FBXO25: variants seen among roughly 807,000 people sequenced by gnomAD.
The protein encoded by FBXO25 is F-box protein 25.
A neutral mutation model predicts 51.9 loss-of-function variants in FBXO25; 45 were observed. That is an observed-to-expected ratio of 0.87 (90% confidence interval 0.68 to 1.11). The LOEUF is 1.11. FBXO25 is among the 50% of genes most tolerant of loss of function. FBXO25 has a pLI of 0.00. For synonymous variants in FBXO25, 199 were observed against 151.0 expected, an observed-to-expected ratio of 1.32 and a Z score of -2.33; for missense variants, 507 against 428.5, an observed-to-expected ratio of 1.18 and a Z score of -1.62.
intron 7 of FBXO25, among the ~76,000 whole-genome samples, chr8:454,751 C>T (rs774786516): frequency 3.3e-5 from 5 of 151,774 alleles, no homozygotes; most frequent in South Asian, 4.2e-4. Context: ...ATTAGCCGGG[C>T]GTGGTGGGAC....
In FBXO25 at chr8:416,838, T is replaced by G. The variant is rs147858967; in HGVS notation, c.134+3625T>G. ...AACCCATTTCTGATGGAGCTTGCAT[T>G]CTGGTGAAACAGATAGGCAGTGGAC... is the stretch of plus-strand genomic sequence containing the variant. On this transcript the variant is annotated intron_variant, in intron 2 of 9. Coordinates refer to ENST00000350302, the MANE Select transcript of FBXO25 (RefSeq NM_183420.2). Among the ~76,000 whole-genome samples the G allele has an allele frequency of 8.5e-5, 13 of 152,334 alleles. 1 individual carries two copies. The highest frequency in any genetic ancestry group is 1.9e-4 in the African/African-American group (8 of 41,574).
chr8:428,502 T>C (rs1428988699), intron 2 of FBXO25, among the ~76,000 whole-genome samples: 2 of 149,436 alleles, frequency 1.3e-5, no homozygotes, highest in Non-Finnish European at 3.0e-5. Context: ...TCCTCTCCTC[T>C]CTTGCACACT....
rs568349898 is a variant in FBXO25 at position 434,183 on chromosome 8, C to CA, written c.288+1249dup. On this transcript the variant is annotated intron_variant, in intron 4 of 9. Transcript: ENST00000350302. Reference sequence around the variant, plus strand: ...GCACCACGTCATGTCTCCATACCCTCACCTGGTACAGAGCAAGTGCCTGCT... The same window carrying CA: ...GCACCACGTCATGTCTCCATACCCTCAACCTGGTACAGAGCAAGTGCCTGCT... Among the ~76,000 whole-genome samples the CA allele has an allele frequency of 3.3e-5, 5 of 152,300 alleles. No individual in the cohort carries two copies. The East Asian group carries it at 9.7e-4, about 30-fold the overall frequency.
rs189161245 is a variant in FBXO25 at position 474,382 on chromosome 8, A to G, written c.*5578A>G. The G allele has an allele frequency of 2.6e-3, 685 of 267,290 alleles. 2 individuals are homozygous for G. The highest frequency in any genetic ancestry group is 0.015 in the African/African-American group (648 of 43,306). The allele number at this position is 267,290 out of a possible 1,614,324, so 16.6% of individuals were successfully genotyped here. A position where few individuals can be genotyped will look rare whatever the true frequency, so the allele number is the denominator to read the frequency against. On this transcript the variant is annotated 3_prime_UTR_variant, in exon 10 of 10. Transcript: ENST00000350302. ...TGCTTCCACCTTTTAGCTATTGTGA[A>G]TATTGCTGCCGTAAACATGGGTGTG... is the stretch of plus-strand genomic sequence containing the variant.
rs994623947 is a variant in FBXO25, at chr8:476,014, T to G, written c.*7210T>G. ...ATTGAATATGATGTTTACAGTGGGA[T>G]GTTCATATGGCCTCTATTTTAGGTT... is the stretch of plus-strand genomic sequence containing the variant. On this transcript the variant is annotated 3_prime_UTR_variant, in exon 10 of 10. Transcript: ENST00000350302. 6.6e-5 allele frequency: 10 copies of G among 152,182 alleles called. No individual in the cohort carries two copies. The allele number at this position is 152,182 out of a possible 1,614,324, so 9.4% of individuals were successfully genotyped here. A position where few individuals can be genotyped will look rare whatever the true frequency, so the allele number is the denominator to read the frequency against.
At chr8:456,367 G>A (rs1799431299) in intron 7 of FBXO25, among the ~76,000 whole-genome samples, 1 of 152,140 alleles carries the variant, frequency 6.6e-6, no homozygotes, top group African/African-American at 2.4e-5. Context: ...GAGCCACCCG[G>A]CCTGGCCATA....
intron 5 of FBXO25, among the ~76,000 whole-genome samples, chr8:447,567 A>G (rs986047033): frequency 3.3e-5 from 5 of 152,324 alleles, no homozygotes; most frequent in African/African-American, 1.2e-4. Flanking sequence ...GAGGTTGAGT[A>G]TCCCTTAATC....
Position 418,561 on chromosome 8 carries a change from A to C in FBXO25, c.134+5348A>C, listed in dbSNP as rs559330993. On this transcript the variant is annotated intron_variant, in intron 2 of 9. Transcript: ENST00000350302. Reference sequence around the variant, plus strand: ...CACCATATTGACCAGAATGGTCTTGATCTCTTGACCTCAGGTGATGCACCC... The same window carrying C: ...CACCATATTGACCAGAATGGTCTTGCTCTCTTGACCTCAGGTGATGCACCC... 3.3e-5 allele frequency among the ~76,000 whole-genome samples: 5 copies of C among 151,850 alleles called. No individual in the cohort carries two copies. In the South Asian group the frequency reaches 6.2e-4, roughly 19 times the overall value.
intron 2 of FBXO25, among the ~76,000 whole-genome samples, chr8:426,367 A>G (rs1437917498): frequency 6.6e-6 from 1 of 152,070 alleles, no homozygotes; most frequent in Non-Finnish European, 1.5e-5. Context: ...TACTGAACCT[A>G]TTCTATTCTG....
intron 9 of FBXO25, among the ~76,000 whole-genome samples, chr8:463,976 G>GT (rs1475777319): frequency 2.6e-5 from 4 of 151,710 alleles, no homozygotes; most frequent in East Asian, 1.9e-4. Flanking sequence ...TTTTTTGTTT[G>GT]TTTTTTTGAA....
At chr8:418,388 G>A (rs1245966842) in intron 2 of FBXO25, among the ~76,000 whole-genome samples, 1 of 121,210 alleles carries the variant, frequency 8.3e-6, no homozygotes, top group African/African-American at 3.2e-5. Flanking sequence ...CACCCAGGCT[G>A]GAGTGCAGTG....
chr8:464,938 G>T (rs1336773417), intron 9 of FBXO25, among the ~76,000 whole-genome samples: 2 of 152,190 alleles, frequency 1.3e-5, no homozygotes, highest in Non-Finnish European at 2.9e-5. Context: ...TCAAGAGCAG[G>T]GAACATCTTG....
intron 2 of FBXO25, among the ~76,000 whole-genome samples, chr8:416,394 T>C (rs990652263): frequency 1.2e-4 from 19 of 152,260 alleles, no homozygotes; most frequent in African/African-American, 4.6e-4. Flanking sequence ...TTCATCTTCA[T>C]TGACTTTATC....
intron 5 of FBXO25, among the ~76,000 whole-genome samples, chr8:445,546 T>C (rs1476198083): frequency 6.6e-6 from 1 of 152,222 alleles, no homozygotes; most frequent in Non-Finnish European, 1.5e-5. Context: ...AAAATATTTC[T>C]CCATTTATTT....
chr8:441,952 C>A (rs1355843853), intron 5 of FBXO25, among the ~76,000 whole-genome samples: 1 of 152,132 alleles, frequency 6.6e-6, no homozygotes, highest in Non-Finnish European at 1.5e-5. Context: ...TGTGGTGATT[C>A]CTCAAGGATC....
intron 3 of FBXO25, 118 bp downstream of exon 3, chr8:431,562 T>C (rs908624727): frequency 1.9e-5 from 10 of 536,058 alleles, no homozygotes; most frequent in African/African-American, 1.6e-4. Flanking sequence ...AACAGCCCAG[T>C]ATCCAGCATT....
At chr8:465,966 A>T (rs1478062234) in intron 9 of FBXO25, among the ~76,000 whole-genome samples, 4 of 152,160 alleles carry the variant, frequency 2.6e-5, no homozygotes, top group Non-Finnish European at 5.9e-5. Context: ...GGAAATTGAG[A>T]ACAAGTCTCT....
rs557685385 is a variant in FBXO25 at position 407,469 on chromosome 8, C to T, written c.-8+403C>T. 121 of 979,930 alleles carry T rather than the reference C, an allele frequency of 1.2e-4. 1 individual carries two copies. The Middle Eastern group carries it at 2.1e-3, about 17-fold the overall frequency. 60.7% of individuals were successfully genotyped at this position (979,930 alleles called of 1,614,324 possible). ...GAGGGTTCATTCAGGGAGCTGCGGG[C>T]GAGTCGGGTGGGCACGGGGGCCGCC... On this transcript the variant is annotated intron_variant, in intron 1 of 9. Coordinates refer to ENST00000350302, the MANE Select transcript of FBXO25 (RefSeq NM_183420.2).
In FBXO25 at chr8:474,003, T is replaced by C. The variant is rs946297641; in HGVS notation, c.*5199T>C. The C allele has an allele frequency of 1.3e-5, 2 of 152,238 alleles. No homozygotes were observed. 9.4% of individuals were successfully genotyped at this position (152,238 alleles called of 1,614,324 possible). A position where few individuals can be genotyped will look rare whatever the true frequency, so the allele number is the denominator to read the frequency against. On this transcript the variant is annotated 3_prime_UTR_variant, in exon 10 of 10. Coordinates refer to ENST00000350302, the MANE Select transcript of FBXO25 (RefSeq NM_183420.2). ...GTGCAATTTAGTGGCATTAAATACA[T>C]TCATACTGTGCAACCTTCTCTACCA...
Sources: allele counts gnomAD v4.1 joint callset (sites outside exome capture counted in the v4.1 genomes callset), GRCh38; gene constraint gnomAD v4.1.1; transcripts MANE v1.5; gene names NCBI Gene and HGNC (gene_info 2026-07-23, HGNC 2026-07-21).